Variants in GTF2I observed in about 807,000 individuals in gnomAD.
The protein encoded by GTF2I is general transcription factor II-I.
In GTF2I, 12 loss-of-function variants were observed where a neutral mutation model predicts 67.6. The ratio of observed to expected loss-of-function variants is 0.18; its 90% CI spans 0.11 to 0.29. The LOEUF is 0.29. GTF2I is among the 10% of genes least tolerant of loss of function. The pLI, the probability that GTF2I is intolerant of heterozygous loss-of-function variation, is 1.00. For synonymous variants in GTF2I, 149 were observed against 197.0 expected, an observed-to-expected ratio of 0.76 and a Z score of 2.04; for missense variants, 271 against 580.1, an observed-to-expected ratio of 0.47 and a Z score of 5.47.
intron 1 of GTF2I, among the ~76,000 whole-genome samples, chr7:74,679,629 A>G (rs1417805646): frequency 6.6e-6 from 1 of 152,000 alleles, no homozygotes; most frequent in Non-Finnish European, 1.5e-5. Flanking sequence ...TTTGATTGTT[A>G]TTATGCATTA....
intron 1 of GTF2I, among the ~76,000 whole-genome samples, chr7:74,671,241 C>T (rs587738680): frequency 6.6e-6 from 1 of 151,900 alleles, no homozygotes; most frequent in South Asian, 2.1e-4. Context: ...CGTGCACCAC[C>T]ACACCCGGCT....
intron 1 of GTF2I, among the ~76,000 whole-genome samples, chr7:74,666,258 G>T (rs782810827): frequency 1.3e-5 from 2 of 152,182 alleles, no homozygotes; most frequent in Non-Finnish European, 2.9e-5. Context: ...CATACATGAC[G>T]TGAGTAGAAT....
intron 12 of GTF2I, among the ~76,000 whole-genome samples, chr7:74,725,092 C>G (rs1372623969): frequency 6.6e-6 from 1 of 152,016 alleles, no homozygotes; most frequent in Non-Finnish European, 1.5e-5. Flanking sequence ...AGAGCAATGC[C>G]CAGTATGTGA....
intron 8 of GTF2I, among the ~76,000 whole-genome samples, chr7:74,710,279 T>A (rs1249856154): frequency 6.6e-6 from 1 of 152,228 alleles, no homozygotes; most frequent in African/African-American, 2.4e-5. Flanking sequence ...TGACTGTGGT[T>A]GAATATCTCA....
Position 74,743,535 on chromosome 7 carries a change from GTATTTATGTCTTTAATAACA to G in GTF2I, c.1750+19_1750+38del. 2.0e-6 allele frequency: 1 copy of G among 488,214 alleles called. No homozygotes were observed. Among genetic ancestry groups the G allele is most frequent in the Admixed American group, 3.4e-5 (1 of 29,682 alleles). 30.2% of individuals were successfully genotyped at this position (488,214 alleles called of 1,614,324 possible). A position where few individuals can be genotyped will look rare whatever the true frequency, so the allele number is the denominator to read the frequency against. ...TTTGAAATTTGGTAAGTAAAAGCCAGTATTTATGTCTTTAATAACATATCAACAAAGGGCCATGTCTGAAT... is the reference window on the plus strand; with the variant it reads ...TTTGAAATTTGGTAAGTAAAAGCCAGTATCAACAAAGGGCCATGTCTGAAT... On this transcript the variant is annotated intron_variant, in intron 20 of 34. Coordinates refer to ENST00000573035, the MANE Select transcript of GTF2I (RefSeq NM_032999.4).
chr7:74,700,574 A>G (rs782043969), intron 5 of GTF2I, 32 bp from the exon 6 acceptor site: 1 of 1,611,912 alleles, frequency 6.2e-7, no homozygotes, highest in Non-Finnish European at 8.5e-7. Flanking sequence ...GCGTATTCAT[A>G]CGAAGTTTTG....
chr7:74,671,103 T>C (rs1258270748), intron 1 of GTF2I, among the ~76,000 whole-genome samples: 2 of 145,416 alleles, frequency 1.4e-5, no homozygotes, highest in Non-Finnish European at 3.0e-5. Context: ...TTTTTTTTTT[T>C]TGAGACAGAG....
intron 14 of GTF2I, among the ~76,000 whole-genome samples, chr7:74,732,143 A>G (rs1307233021): frequency 9.6e-6 from 1 of 103,766 alleles, no homozygotes; most frequent in South Asian, 2.4e-4. Context: ...ACACATATAC[A>G]TATATATATA....
At chr7:74,698,804 A>G (rs149385738) in intron 3 of GTF2I, among the ~76,000 whole-genome samples, 157 bp from the exon 4 acceptor site, 6 of 152,332 alleles carry the variant, frequency 3.9e-5, no homozygotes, top group African/African-American at 1.4e-4. Flanking sequence ...ATGTTAAAGA[A>G]TGGTTAAGAA....
In GTF2I at chr7:74,665,949, C is replaced by T. The variant is rs1019009960; in HGVS notation, c.-6+7881C>T. 7.9e-5 allele frequency among the ~76,000 whole-genome samples: 12 copies of T among 152,202 alleles called. 1 individual carries two copies. Among genetic ancestry groups the T allele is most frequent in the Admixed American group, 1.3e-4 (2 of 15,276 alleles). On this transcript the variant is annotated intron_variant, in intron 1 of 34. Transcript: ENST00000573035. ...CTGCCTCCCGGGTTCAAGTGATTCT[C>T]CTGTCTTAGCTTCCCAAGTAGCTGG... is the stretch of plus-strand genomic sequence containing the variant.
chr7:74,691,076 C>T lies in GTF2I; in HGVS notation c.203C>T (p.Thr68Ile). The T allele has an allele frequency of 1.9e-6, 3 of 1,608,882 alleles. No individual in the cohort carries two copies. The highest frequency in any genetic ancestry group is 2.5e-6 in the Non-Finnish European group (3 of 1,176,596). Residue 68 changes from threonine (T) to isoleucine (I), a missense_variant, in exon 3 of 35, where the codon ACC becomes ATC. Physicochemically the swap from Thr to Ile is moderately conservative, Grantham distance 89. Around this residue, in one of 9 missense-constraint regions of GTF2I, gnomAD observed 72 missense variants for 87.4 expected, o/e 0.82. Transcript: ENST00000573035. ...GAAAGAGGACGTGCTTTTGTCAATA[C>T]CAGAAAGGATTTTCAAAAAGATTTT... Reference protein sequence around the residue: ...GTERGRAFVNTRKDFQKDFVK... With the variant: ...GTERGRAFVNIRKDFQKDFVK...
At chr7:74,718,756 G>C (rs587726311) in intron 11 of GTF2I, 123 bp from the exon 12 acceptor site, 1 of 555,966 alleles carries the variant, frequency 1.8e-6, no homozygotes, top group Non-Finnish European at 3.2e-6. Flanking sequence ...AATATGAAAT[G>C]AATGAAAATG....
At chr7:74,679,277 T>C (rs587630078) in intron 1 of GTF2I, among the ~76,000 whole-genome samples, 28 of 152,170 alleles carry the variant, frequency 1.8e-4, no homozygotes, top group Admixed American at 7.2e-4. Flanking sequence ...GGTTTCACCA[T>C]GTTGGCCAGG....
At chr7:74,699,645 A>G (rs1229876029) in intron 4 of GTF2I, 1 of 153,338 alleles carries the variant, frequency 6.5e-6, no homozygotes, top group Non-Finnish European at 1.5e-5. Flanking sequence ...TTCCATGCAA[A>G]GCCACCTTTT....
chr7:74,729,810 T>C (rs587594427), intron 13 of GTF2I, among the ~76,000 whole-genome samples: 32 of 151,972 alleles, frequency 2.1e-4, no homozygotes, highest in African/African-American at 7.0e-4. Context: ...CAACTATATA[T>C]CCGTAAAGTC....
chr7:74,691,816 C>T (rs1230412291), intron 3 of GTF2I, among the ~76,000 whole-genome samples: 3 of 151,440 alleles, frequency 2.0e-5, no homozygotes, highest in African/African-American at 7.3e-5. Context: ...ACTCTTGGCC[C>T]CCTGGGCTGG....
intron 14 of GTF2I, among the ~76,000 whole-genome samples, chr7:74,730,950 T>A (rs1794422660): frequency 7.8e-6 from 1 of 128,896 alleles, no homozygotes; most frequent in Non-Finnish European, 1.6e-5. Flanking sequence ...CAAGTGATCC[T>A]CCCGCCTTGG....
intron 3 of GTF2I, among the ~76,000 whole-genome samples, chr7:74,691,590 T>C (rs1788314714): frequency 6.6e-6 from 1 of 152,208 alleles, no homozygotes. Context: ...TTCAAAATGC[T>C]CAAAAGGAAT....
At position 74,669,224 on chromosome 7, in the gene GTF2I, GTTTT is replaced by G. The variant is rs34714148; in HGVS notation, c.-6+11177_-6+11180del. On this transcript the variant is annotated intron_variant, in intron 1 of 34. Coordinates refer to ENST00000573035, the MANE Select transcript of GTF2I (RefSeq NM_032999.4). ...TAGTTTGTATATCCAGACTAGTTTA[GTTTT>G]TTTTTTTTTTTTTTTTTTTTGAGAC... 6.6e-5 allele frequency among the ~76,000 whole-genome samples: 5 copies of G among 75,442 alleles called. 1 individual carries two copies. Among genetic ancestry groups the G allele is most frequent in the Non-Finnish European group, 9.4e-5 (4 of 42,780 alleles). The allele number at this position is 75,442 out of a possible 152,430, so 49.5% of individuals were successfully genotyped here.
Sources: allele counts gnomAD v4.1 joint callset (sites outside exome capture counted in the v4.1 genomes callset), GRCh38; gene constraint gnomAD v4.1.1; regional missense constraint gnomAD v4.1.1; transcripts MANE v1.5; gene names NCBI Gene and HGNC (gene_info 2026-07-23, HGNC 2026-07-21).